PLEKHA5: variants seen among roughly 807,000 people sequenced by gnomAD.
PLEKHA5 encodes the protein pleckstrin homology domain-containing family A member 5.
In PLEKHA5, 55 loss-of-function variants were observed where a neutral mutation model predicts 181.9. The ratio of observed to expected loss-of-function variants is 0.30; its 90% CI spans 0.24 to 0.38. PLEKHA5 has a LOEUF of 0.38. Ranked by LOEUF, PLEKHA5 falls within the 10% of genes least tolerant of loss-of-function variation. PLEKHA5 has a pLI of 1.00. For missense variants in PLEKHA5, 1,432 were observed against 1,549.5 expected (o/e 0.92, Z 1.27); for synonymous variants, 535 against 529.4 (o/e 1.01, Z -0.15).
At chr12:19,331,647 G>A (rs1026307659) in intron 20 of PLEKHA5, among the ~76,000 whole-genome samples, 3 of 152,124 alleles carry the variant, frequency 2.0e-5, no homozygotes, top group Non-Finnish European at 4.4e-5. Context: ...CAGTGGCCAA[G>A]TCTTGTCTCA....
chr12:19,147,601 T>A (rs1384466694), intron 3 of PLEKHA5, among the ~76,000 whole-genome samples: 1 of 150,516 alleles, frequency 6.6e-6, no homozygotes, highest in Non-Finnish European at 1.5e-5. Context: ...TTTTTCTTTT[T>A]TTTTTTTTTT....
chr12:19,146,030 TAAC>T (rs2038833411), intron 3 of PLEKHA5, among the ~76,000 whole-genome samples: 1 of 152,226 alleles, frequency 6.6e-6, no homozygotes, highest in Non-Finnish European at 1.5e-5. Context: ...CCCCAAATGA[TAAC>T]AATACATTCA....
chr12:19,309,380 C>A (rs561300872), intron 15 of PLEKHA5, among the ~76,000 whole-genome samples: 80 of 152,082 alleles, frequency 5.3e-4, no homozygotes, highest in African/African-American at 1.9e-3. Context: ...AAACTCATCT[C>A]TTGCCCTTAT....
At chr12:19,270,074 C>A in intron 9 of PLEKHA5, 114 bp from the exon 10 acceptor site, 1 of 672,062 alleles carries the variant, frequency 1.5e-6, no homozygotes, top group Non-Finnish European at 2.4e-6. Flanking sequence ...GCGATACCAC[C>A]TACATTTTTA....
intron 20 of PLEKHA5, among the ~76,000 whole-genome samples, chr12:19,329,293 TTTTC>T (rs1249493468): frequency 6.6e-6 from 1 of 152,146 alleles, no homozygotes; most frequent in Non-Finnish European, 1.5e-5. Context: ...TTGGCCTTTG[TTTTC>T]TTTCTTCTTT....
At chr12:19,314,337 A>G (rs1458807795) in intron 15 of PLEKHA5, among the ~76,000 whole-genome samples, 10 of 152,122 alleles carry the variant, frequency 6.6e-5, no homozygotes, top group African/African-American at 2.4e-4. Context: ...TATGTGATTA[A>G]GTGACACATT....
At chr12:19,346,661 T>A (rs761371460) in intron 23 of PLEKHA5, among the ~76,000 whole-genome samples, 3 of 152,136 alleles carry the variant, frequency 2.0e-5, no homozygotes, top group Non-Finnish European at 2.9e-5. Flanking sequence ...TGTGAAAATA[T>A]AAGAATAGGA....
At chr12:19,360,324 G>A (rs191303875) in intron 28 of PLEKHA5, among the ~76,000 whole-genome samples, 88 of 151,330 alleles carry the variant, frequency 5.8e-4, no homozygotes, top group African/African-American at 1.9e-3. Context: ...CAAAAAAAAC[G>A]TGGCGGGCAC....
chr12:19,332,087 C>T (rs1163522879), intron 20 of PLEKHA5, among the ~76,000 whole-genome samples: 2 of 152,132 alleles, frequency 1.3e-5, no homozygotes, highest in East Asian at 3.9e-4. Flanking sequence ...GAGTTCAAGA[C>T]CAGCCTGAGC....
chr12:19,237,499 T>C (rs1425019336), intron 3 of PLEKHA5, among the ~76,000 whole-genome samples: 2 of 52,374 alleles, frequency 3.8e-5, no homozygotes, highest in African/African-American at 6.8e-5. Flanking sequence ...GTATGCATTA[T>C]GTAATTTTTT....
chr12:19,202,009 C>T (rs997388597), intron 3 of PLEKHA5: 3 of 973,752 alleles, frequency 3.1e-6, no homozygotes, highest in Non-Finnish European at 3.7e-6. Flanking sequence ...TACCACTTGC[C>T]TTGGGTTCAT....
At chr12:19,264,167 C>G (rs1462978753) in intron 7 of PLEKHA5, among the ~76,000 whole-genome samples, 1 of 152,024 alleles carries the variant, frequency 6.6e-6, no homozygotes, top group Non-Finnish European at 1.5e-5. Context: ...TCATTTAACC[C>G]TCATAACAAT....
chr12:19,155,424 T>C (rs774629328), intron 3 of PLEKHA5, among the ~76,000 whole-genome samples: 14 of 152,210 alleles, frequency 9.2e-5, no homozygotes, highest in Non-Finnish European at 1.9e-4. Flanking sequence ...CCTTGTTTTT[T>C]CTTCACGTCC....
At chr12:19,339,126 C>T (rs1030647055) in intron 21 of PLEKHA5, among the ~76,000 whole-genome samples, 10 of 151,402 alleles carry the variant, frequency 6.6e-5, no homozygotes, top group East Asian at 2.0e-4. Context: ...CTGCAACCTC[C>T]GCCTCTCATG....
intron 29 of PLEKHA5, among the ~76,000 whole-genome samples, chr12:19,364,453 G>A (rs1372377352): frequency 6.6e-6 from 1 of 151,936 alleles, no homozygotes; most frequent in East Asian, 2.0e-4. Flanking sequence ...GGAGGTCTCA[G>A]TGAGCCGAGA....
intron 20 of PLEKHA5, among the ~76,000 whole-genome samples, chr12:19,324,448 T>C (rs946283582): frequency 6.6e-6 from 1 of 152,178 alleles, no homozygotes; most frequent in African/African-American, 2.4e-5. Context: ...CTCATTCACA[T>C]TGGATGAATG....
intron 3 of PLEKHA5, chr12:19,200,694 C>G (rs2053986620): frequency 9.9e-7 from 1 of 1,011,752 alleles, no homozygotes; most frequent in Non-Finnish European, 1.2e-6. Context: ...CTTGCTATTT[C>G]TGCTTTCCAA....
At chr12:19,223,453 T>C (rs956106893) in intron 3 of PLEKHA5, among the ~76,000 whole-genome samples, 2 of 152,168 alleles carry the variant, frequency 1.3e-5, no homozygotes, top group Non-Finnish European at 2.9e-5. Context: ...ACCAGTAACT[T>C]ATCTGGGAAA....
intron 30 of PLEKHA5, among the ~76,000 whole-genome samples, chr12:19,368,530 C>T (rs868260464): frequency 3.9e-5 from 6 of 152,184 alleles, no homozygotes; most frequent in Middle Eastern, 3.4e-3. Flanking sequence ...CAGTGGCTCA[C>T]GCCTATAATC....
Sources: gnomAD v4.1 joint callset for allele counts (sites outside exome capture counted in the v4.1 genomes callset) on GRCh38, gnomAD v4.1.1 for gene constraint, MANE v1.5 for transcripts, NCBI Gene and HGNC (gene_info 2026-07-23, HGNC 2026-07-21) for gene names.